AP1M2: variants seen among roughly 807,000 people sequenced by gnomAD.
AP1M2 encodes the protein AP-1 complex subunit mu-2.
A neutral mutation model predicts 54.6 loss-of-function variants in AP1M2; 41 were observed. The observed-to-expected ratio is 0.75, with a 90% CI of 0.59 to 0.97. The LOEUF is 0.97. AP1M2 is among the 50% of genes least tolerant of loss of function. The probability of loss-of-function intolerance (pLI) is 0.00; values close to 1 mark genes in which losing one functional copy is unlikely to be tolerated. For missense variants in AP1M2, 507 were observed against 561.2 expected, an observed-to-expected ratio of 0.90 and a Z score of 0.98; for synonymous variants, 219 against 215.9, an observed-to-expected ratio of 1.01 and a Z score of -0.13.
chr19:10,577,399 C>T, intron 8 of AP1M2, 43 bp from the exon 9 acceptor site: 1 of 727,480 alleles, frequency 1.4e-6, no homozygotes, highest in Admixed American at 2.5e-5. Flanking sequence ...TTCGCTTGCT[C>T]ATCCTTCAAA....
In AP1M2 at chr19:10,574,418, G is replaced by A. The variant is rs202065782; in HGVS notation, c.1248C>T (p.Gly416=). The A allele has an allele frequency of 6.4e-5, 99 of 1,553,226 alleles. No individual in the cohort carries two copies. Among genetic ancestry groups the A allele is most frequent in the South Asian group, 2.1e-4 (18 of 84,048 alleles). ...LPWVRYITQS[G]DYQLRTS ...TCCCCAGGAGCTGGGCTGCCTTACC[G>A]CCACTCTGGGTGATGTAGCGAACCC... is the stretch of plus-strand genomic sequence containing the variant. Residue 416 remains glycine (G), a splice_region_variant and synonymous_variant, in exon 11 of 12, where the codon GGC becomes GGT. Coordinates refer to ENST00000250244, the MANE Select transcript of AP1M2 (RefSeq NM_005498.5).
intron 1 of AP1M2, among the ~76,000 whole-genome samples, chr19:10,585,279 GAAAAAAAGAAA>G (rs1414990645): frequency 1.5e-4 from 4 of 27,436 alleles, no homozygotes; most frequent in East Asian, 7.9e-4. Flanking sequence ...AAAGAAAGAA[GAAAAAAAGAAA>G]GAAAGAAAGA....
intron 9 of AP1M2, among the ~76,000 whole-genome samples, chr19:10,576,868 A>T (rs2144756913): frequency 6.6e-6 from 1 of 151,996 alleles, no homozygotes; most frequent in East Asian, 1.9e-4. Context: ...CACCACACCC[A>T]GCTAATTTTT....
chr19:10,577,111 C>T, intron 9 of AP1M2, 87 bp downstream of exon 9: 1 of 1,444,512 alleles, frequency 6.9e-7, no homozygotes, highest in Non-Finnish European at 9.5e-7. Flanking sequence ...GATTTGTTCT[C>T]TGCCTTGTTC....
At chr19:10,581,936 G>A in intron 3 of AP1M2, 58 bp from the exon 4 acceptor site, 1 of 1,501,276 alleles carries the variant, frequency 6.7e-7, no homozygotes, top group Non-Finnish European at 8.9e-7. Context: ...GGGCATAGTA[G>A]CTCATGCCTG....
chr19:10,586,181 G>T (rs1270276789), intron 1 of AP1M2, among the ~76,000 whole-genome samples: 1 of 152,002 alleles, frequency 6.6e-6, no homozygotes, highest in Non-Finnish European at 1.5e-5. Flanking sequence ...TACTCAGGAG[G>T]CTGAGGAAGG....
At chr19:10,582,966 C>G (rs1023288780) in intron 3 of AP1M2, among the ~76,000 whole-genome samples, 10 of 151,442 alleles carry the variant, frequency 6.6e-5, no homozygotes, top group African/African-American at 2.2e-4. Context: ...GCTGGGATTA[C>G]AGGCAGGTGC....
chr19:10,586,604 C>T (rs1256222126), intron 1 of AP1M2, among the ~76,000 whole-genome samples: 1 of 152,154 alleles, frequency 6.6e-6, no homozygotes, highest in East Asian at 1.9e-4. Context: ...TGGTGGCCTG[C>T]ACCTGTGTAG....
chr19:10,579,601 G>A (rs564950886), intron 7 of AP1M2, 115 bp downstream of exon 7: 10 of 1,237,006 alleles, frequency 8.1e-6, no homozygotes, highest in Middle Eastern at 2.9e-4. Context: ...TGATCCACCC[G>A]ACTCAGCCTC....
chr19:10,586,507 G>A (rs919832735), intron 1 of AP1M2, among the ~76,000 whole-genome samples: 7 of 149,794 alleles, frequency 4.7e-5, no homozygotes, highest in Admixed American at 6.7e-5. Flanking sequence ...GGGTCAGCCC[G>A]CAGCCCCAGA....
Position 10,578,159 on chromosome 19 carries a change from T to TGCAG in AP1M2, c.888+729_888+732dup, listed in dbSNP as rs1890401066. On this transcript the variant is annotated intron_variant, in intron 8 of 11. Transcript: ENST00000250244. Reference sequence around the variant, plus strand: ...TTCTAACAGTTGTTGGCTGTGTATCTGCAGGCAAATGCCTTAACTTCTGTG... The same window carrying TGCAG: ...TTCTAACAGTTGTTGGCTGTGTATCTGCAGGCAGGCAAATGCCTTAACTTCTGTG... 3.9e-5 allele frequency among the ~76,000 whole-genome samples: 6 copies of TGCAG among 152,322 alleles called. No individual in the cohort carries two copies. In the South Asian group the frequency reaches 1.0e-3, roughly 26 times the overall value.
In AP1M2 at chr19:10,574,108, C is replaced by T. The variant is rs143676871; in HGVS notation, c.1249+309G>A. Among the ~76,000 whole-genome samples, 611 of 152,268 alleles carry T rather than the reference C, an allele frequency of 4.0e-3. 7 individuals are homozygous for T. Among genetic ancestry groups the T allele is most frequent in the African/African-American group, 0.013 (556 of 41,554 alleles). On this transcript the variant is annotated intron_variant, in intron 11 of 11. Coordinates refer to ENST00000250244, the MANE Select transcript of AP1M2 (RefSeq NM_005498.5). The stretch of plus-strand genomic sequence containing the variant: ...CACGATCTCAGCTCACTGCAACCTC[C>T]ACCTCCCGGGTTCAAGCAATTCTGC...
At position 10,587,172 on chromosome 19, in the gene AP1M2, C is replaced by A; in HGVS notation, c.42+18G>T. 4.5e-6 allele frequency: 7 copies of A among 1,553,466 alleles called. No individual in the cohort carries two copies. Among genetic ancestry groups the A allele is most frequent in the Non-Finnish European group, 6.1e-6 (7 of 1,148,108 alleles). On this transcript the variant is annotated intron_variant, in intron 1 of 11. Coordinates refer to ENST00000250244, the MANE Select transcript of AP1M2 (RefSeq NM_005498.5). ...GACCTCACCTGTCCGTCTCCCAACT[C>A]CTCATGCCCAGCCTCACCTTGCCCT...
At position 10,578,925 on chromosome 19, in the gene AP1M2, C is replaced by A; in HGVS notation, c.855G>T (p.Lys285Asn). The A allele has an allele frequency of 4.4e-6, 7 of 1,607,576 alleles. No individual in the cohort carries two copies. The highest frequency in any genetic ancestry group is 5.9e-6 in the Non-Finnish European group (7 of 1,176,936). ...PLIWIESVIE[K>N]FSHSRVEIMV... is the part of the protein sequence containing the mutation. ...TGATCTCCACGCGGCTGTGGGAGAA[C>A]TTCTCAATGACAGACTCAATCCAGA... Residue 285 changes from lysine (K) to asparagine (N), a missense_variant, in exon 8 of 12, where the codon AAG becomes AAT. By Grantham distance (94) the Lys-to-Asn change is moderately conservative (BLOSUM62 0). Coordinates refer to ENST00000250244, the MANE Select transcript of AP1M2 (RefSeq NM_005498.5).
At chr19:10,577,927 C>G (rs766572295) in intron 8 of AP1M2, among the ~76,000 whole-genome samples, 95 of 151,972 alleles carry the variant, frequency 6.3e-4, no homozygotes, top group Non-Finnish European at 8.2e-4. Flanking sequence ...GTAGAGACAG[C>G]GTTTCTCCAT....
At position 10,574,970 on chromosome 19, in the gene AP1M2, C is replaced by A; in HGVS notation, c.1107G>T (p.Glu369Asp). Reference protein sequence around the residue: ...HFGLPSVEKEEVEGRPPIGVK... With the variant: ...HFGLPSVEKEDVEGRPPIGVK... ...CCCCGATGGGGGGCCGGCCCTCCAC[C>A]TCTTCCTTTTCCACACTGGGGAGGC... Residue 369 changes from glutamate to aspartate, a missense_variant, in exon 10 of 12, where the codon GAG (glutamate) becomes GAT (aspartate). Coordinates refer to ENST00000250244, the MANE Select transcript of AP1M2 (RefSeq NM_005498.5). 1 of 1,582,978 alleles carries A rather than the reference C, an allele frequency of 6.3e-7. No homozygotes were observed.
At chr19:10,583,890 A>G in intron 2 of AP1M2, 24 bp downstream of exon 2, 1 of 1,581,474 alleles carries the variant, frequency 6.3e-7, no homozygotes, top group Non-Finnish European at 8.6e-7. Context: ...ACCCACCTCC[A>G]GGGACACCAC....
At chr19:10,574,334 G>A (rs1468736133) in intron 11 of AP1M2, 83 bp downstream of exon 11, 1 of 1,192,196 alleles carries the variant, frequency 8.4e-7, no homozygotes, top group Non-Finnish European at 1.2e-6. Flanking sequence ...TTGGTTTTCT[G>A]AGCCAGAATG....
At position 10,585,280 on chromosome 19, in the gene AP1M2, AAAAAAAG is replaced by A. The variant is rs1473447906; in HGVS notation, c.43-1217_43-1211del. Among the ~76,000 whole-genome samples, 3 of 19,676 alleles carry A rather than the reference AAAAAAAG, an allele frequency of 1.5e-4. 1 individual carries two copies. Among genetic ancestry groups the A allele is most frequent in the African/African-American group, 8.5e-4 (3 of 3,540 alleles). 12.9% of individuals were successfully genotyped at this position (19,676 alleles called of 152,430 possible). A position where few individuals can be genotyped will look rare whatever the true frequency, so the allele number is the denominator to read the frequency against. On this transcript the variant is annotated intron_variant, in intron 1 of 11. Transcript: ENST00000250244. Reference sequence around the variant, plus strand: ...GGAAAGAAGGAAAGAAAGAAAGAAGAAAAAAAGAAAGAAAGAAAGAAAGAAAGAAAGA... The same window carrying A: ...GGAAAGAAGGAAAGAAAGAAAGAAGAAAAGAAAGAAAGAAAGAAAGAAAGA...
Sources: gnomAD v4.1 joint callset for allele counts (sites outside exome capture counted in the v4.1 genomes callset) on GRCh38, gnomAD v4.1.1 for gene constraint, MANE v1.5 for transcripts, NCBI Gene and HGNC (gene_info 2026-07-23, HGNC 2026-07-21) for gene names.